CNTNAP5: variants seen among roughly 807,000 people sequenced by gnomAD.
CNTNAP5 encodes contactin associated protein family member 5, also known as contactin-associated protein-like 5.
In CNTNAP5, 72 loss-of-function variants were observed where a neutral mutation model predicts 150.2. The ratio of observed to expected loss-of-function variants is 0.48; its 90% CI spans 0.40 to 0.58. CNTNAP5 has a LOEUF of 0.58. Among genes scored for constraint, CNTNAP5 ranks in the 20% least tolerant of loss-of-function variants. The probability of loss-of-function intolerance (pLI) is 0.00; values close to 1 mark genes in which losing one functional copy is unlikely to be tolerated. For missense variants in CNTNAP5, 1,636 were observed against 1,626.2 expected (o/e 1.01, Z -0.10); for synonymous variants, 672 against 619.8 (o/e 1.08, Z -1.25).
At chr2:124,741,814 CCCT>C (rs1318930591) in intron 13 of CNTNAP5, among the ~76,000 whole-genome samples, 1 of 152,192 alleles carries the variant, frequency 6.6e-6, no homozygotes, top group African/African-American at 2.4e-5. Flanking sequence ...TACTTCCTCT[CCCT>C]CCTCCTCCTT....
chr2:124,273,990 C>T (rs1013205371), intron 3 of CNTNAP5, among the ~76,000 whole-genome samples: 2 of 152,118 alleles, frequency 1.3e-5, no homozygotes, highest in African/African-American at 2.4e-5. Context: ...TAGCAAGCTG[C>T]ATATTCAGCA....
chr2:124,453,342 A>G (rs972786401), intron 6 of CNTNAP5, among the ~76,000 whole-genome samples: 38 of 152,038 alleles, frequency 2.5e-4, no homozygotes, highest in African/African-American at 8.7e-4. Context: ...AAGAAAATAG[A>G]ATAAGAAAAT....
chr2:124,609,226 A>T (rs1172198266), intron 11 of CNTNAP5, among the ~76,000 whole-genome samples: 1 of 152,194 alleles, frequency 6.6e-6, no homozygotes, highest in Non-Finnish European at 1.5e-5. Flanking sequence ...GCCATGTAAG[A>T]GGTGAGGGGC....
intron 1 of CNTNAP5, among the ~76,000 whole-genome samples, chr2:124,203,678 T>G (rs901122585): frequency 7.9e-5 from 12 of 152,214 alleles, no homozygotes; most frequent in Admixed American, 1.3e-4. Context: ...AGATGTGAGC[T>G]GCCAAGACTT....
chr2:124,463,535 A>G (rs1693302363), intron 6 of CNTNAP5, among the ~76,000 whole-genome samples: 1 of 152,156 alleles, frequency 6.6e-6, no homozygotes, highest in African/African-American at 2.4e-5. Context: ...TTAAGAAAAC[A>G]TGCGTGGCGT....
chr2:124,854,957 A>G (rs1416956603), intron 19 of CNTNAP5, among the ~76,000 whole-genome samples: 14 of 152,148 alleles, frequency 9.2e-5, no homozygotes, highest in Non-Finnish European at 1.8e-4. Context: ...AGGTGTTTTC[A>G]GCTAAGGGGA....
At chr2:124,152,345 T>C (rs1028677869) in intron 1 of CNTNAP5, among the ~76,000 whole-genome samples, 1 of 152,168 alleles carries the variant, frequency 6.6e-6, no homozygotes, top group African/African-American at 2.4e-5. Flanking sequence ...ATTGAATTTC[T>C]TATATGGTAG....
chr2:124,289,186 T>C (rs1212007587), intron 3 of CNTNAP5, among the ~76,000 whole-genome samples: 2 of 152,212 alleles, frequency 1.3e-5, no homozygotes, highest in Non-Finnish European at 2.9e-5. Context: ...CTGGTATATA[T>C]ATTTTACTTT....
At chr2:124,072,469 C>T (rs1201532189) in intron 1 of CNTNAP5, among the ~76,000 whole-genome samples, 3 of 151,618 alleles carry the variant, frequency 2.0e-5, no homozygotes, top group Non-Finnish European at 3.0e-5. Flanking sequence ...GATCTTATAT[C>T]CAGAAAAACA....
chr2:124,368,268 A>G (rs1291490510), intron 3 of CNTNAP5, among the ~76,000 whole-genome samples: 1 of 152,188 alleles, frequency 6.6e-6, no homozygotes, highest in Non-Finnish European at 1.5e-5. Context: ...AAGGAGATAC[A>G]CAAAAATGAA....
Position 124,899,651 on chromosome 2 carries a change from AC to A in CNTNAP5, c.3437-3230del, listed in dbSNP as rs1210168770. ...TCTTGGGAAAAATGAAACAGGGAAC[AC>A]TGGTATTTTTCAGTGGTGTCGCCTT... On this transcript the variant is annotated intron_variant, in intron 21 of 23. Transcript: ENST00000682447. Among the ~76,000 whole-genome samples, 8 of 151,280 alleles carry A rather than the reference AC, an allele frequency of 5.3e-5. 1 individual carries two copies. In the South Asian group the frequency reaches 1.2e-3, roughly 24 times the overall value.
chr2:124,815,710 TTTTC>T (rs558102491), intron 19 of CNTNAP5, among the ~76,000 whole-genome samples: 188 of 152,286 alleles, frequency 1.2e-3, no homozygotes, highest in African/African-American at 4.5e-3. Flanking sequence ...TCCAGTTTTC[TTTTC>T]TTTCTTTTTT....
At position 124,312,478 on chromosome 2, in the gene CNTNAP5, C is replaced by T. The variant is rs556077722; in HGVS notation, c.381+70085C>T. 3.9e-3 allele frequency among the ~76,000 whole-genome samples: 588 copies of T among 152,098 alleles called. 2 individuals carry two copies. Among genetic ancestry groups the T allele is most frequent in the Non-Finnish European group, 6.5e-3 (444 of 68,002 alleles). On this transcript the variant is annotated intron_variant, in intron 3 of 23. Transcript: ENST00000682447. ...CCCCCGGCTTCAAGTGATTCTCCTGCCTCAGCCTCTAGAGTAGCTGGGATT... is the reference window on the plus strand; with the variant it reads ...CCCCCGGCTTCAAGTGATTCTCCTGTCTCAGCCTCTAGAGTAGCTGGGATT...
chr2:124,523,808 G>A (rs1446588420), intron 8 of CNTNAP5, among the ~76,000 whole-genome samples: 1 of 152,164 alleles, frequency 6.6e-6, no homozygotes, highest in African/African-American at 2.4e-5. Flanking sequence ...GGCTGCCTCT[G>A]CCTGGCACAT....
intron 7 of CNTNAP5, among the ~76,000 whole-genome samples, chr2:124,495,775 T>C (rs1258936839): frequency 1.3e-5 from 2 of 152,226 alleles, no homozygotes; most frequent in East Asian, 3.9e-4. Flanking sequence ...GTACTTGTCC[T>C]TTCCGGTTTT....
chr2:124,558,448 C>T (rs1252018905), intron 10 of CNTNAP5, among the ~76,000 whole-genome samples: 3 of 5,654 alleles, frequency 5.3e-4, no homozygotes, highest in Non-Finnish European at 2.2e-3. Flanking sequence ...CTATTAGACA[C>T]CCACGTGGAG....
chr2:124,846,426 T>G (rs1428795426), intron 19 of CNTNAP5, among the ~76,000 whole-genome samples: 1 of 152,148 alleles, frequency 6.6e-6, no homozygotes, highest in Admixed American at 6.6e-5. Flanking sequence ...GGAGTTGTAA[T>G]TGTTTTTATT....
chr2:124,648,819 T>A (rs1400865518), intron 13 of CNTNAP5, among the ~76,000 whole-genome samples: 1 of 152,190 alleles, frequency 6.6e-6, no homozygotes, highest in Non-Finnish European at 1.5e-5. Context: ...ACAAAAGATC[T>A]GAAGTATCTA....
chr2:124,399,583 T>C (rs1292586466), intron 3 of CNTNAP5, among the ~76,000 whole-genome samples: 1 of 151,970 alleles, frequency 6.6e-6, no homozygotes, highest in Non-Finnish European at 1.5e-5. Flanking sequence ...TAGATTTATT[T>C]AGTCATCATT....
Sources: gnomAD v4.1 joint callset for allele counts (sites outside exome capture counted in the v4.1 genomes callset) on GRCh38, gnomAD v4.1.1 for gene constraint, MANE v1.5 for transcripts, NCBI Gene and HGNC (gene_info 2026-07-23, HGNC 2026-07-21) for gene names.